Variants in RBFOX1 observed in about 807,000 individuals in gnomAD.
The protein encoded by RBFOX1 is RNA binding protein fox-1 homolog 1.
Under a neutral mutation model 57.7 loss-of-function variants are expected in RBFOX1, and 8 were observed. The ratio of observed to expected loss-of-function variants is 0.14; its 90% CI spans 0.08 to 0.25. The LOEUF (loss-of-function observed/expected upper bound fraction) is 0.25. Among genes scored for constraint, RBFOX1 ranks in the 10% least tolerant of loss-of-function variants. The probability of loss-of-function intolerance (pLI) is 1.00; values close to 1 mark genes in which losing one functional copy is unlikely to be tolerated. For missense variants in RBFOX1, 611 were observed against 548.5 expected, an observed-to-expected ratio of 1.11 and a Z score of -1.14; for synonymous variants, 326 against 222.4, an observed-to-expected ratio of 1.47 and a Z score of -4.15.
chr16:5,544,931 G>C (rs910787292), intron 2 of RBFOX1, among the ~76,000 whole-genome samples: 7 of 137,168 alleles, frequency 5.1e-5, no homozygotes, highest in African/African-American at 8.3e-5. Context: ...TACAGGTATA[G>C]ATGGCCTTAC....
At chr16:7,620,533 G>T (rs770842240) in intron 10 of RBFOX1, among the ~76,000 whole-genome samples, 7 of 152,208 alleles carry the variant, frequency 4.6e-5, no homozygotes, top group African/African-American at 7.2e-5. Flanking sequence ...CTGCCCAAAG[G>T]CTTCCTTGGT....
At chr16:6,830,868 T>C (rs916817126) in intron 3 of RBFOX1, among the ~76,000 whole-genome samples, 1 of 152,170 alleles carries the variant, frequency 6.6e-6, no homozygotes, top group East Asian at 1.9e-4. Context: ...TTCAAGATAG[T>C]AACTCTCCCA....
At chr16:7,105,041 C>A (rs137898882) in intron 4 of RBFOX1, among the ~76,000 whole-genome samples, 1 of 151,764 alleles carries the variant, frequency 6.6e-6, no homozygotes, top group Non-Finnish European at 1.5e-5. Context: ...TTGGCACCTA[C>A]AGATCTCCAC....
chr16:7,055,854 C>T (rs1415297556), intron 4 of RBFOX1, among the ~76,000 whole-genome samples: 1 of 152,104 alleles, frequency 6.6e-6, no homozygotes, highest in Non-Finnish European at 1.5e-5. Flanking sequence ...GTGCTGGTTT[C>T]CTGTCATTAG....
intron 4 of RBFOX1, among the ~76,000 whole-genome samples, chr16:7,409,134 C>T (rs564482563): frequency 3.9e-5 from 6 of 152,264 alleles, no homozygotes; most frequent in African/African-American, 1.4e-4. Context: ...CAGCAGAATC[C>T]GGCCTGTGAT....
At chr16:5,641,616 C>T (rs981902006) in intron 3 of RBFOX1, among the ~76,000 whole-genome samples, 1 of 152,156 alleles carries the variant, frequency 6.6e-6, no homozygotes, top group Non-Finnish European at 1.5e-5. Flanking sequence ...TTTGGGTGTG[C>T]CATGCAGCAG....
At chr16:6,079,093 G>A (rs995621506) in intron 1 of RBFOX1, among the ~76,000 whole-genome samples, 1 of 152,164 alleles carries the variant, frequency 6.6e-6, no homozygotes, top group Admixed American at 6.5e-5. Flanking sequence ...CAGATCACTT[G>A]AGGTCAGGAG....
At chr16:6,291,395 C>T (rs773178291) in intron 1 of RBFOX1, among the ~76,000 whole-genome samples, 2 of 152,066 alleles carry the variant, frequency 1.3e-5, no homozygotes, top group Admixed American at 6.5e-5. Context: ...TGGTGGAGGC[C>T]GCAGGGACGG....
chr16:7,705,023 G>A (rs2081984777), intron 14 of RBFOX1, among the ~76,000 whole-genome samples: 1 of 139,988 alleles, frequency 7.1e-6, no homozygotes, highest in African/African-American at 2.7e-5. Flanking sequence ...CAGCCGAGGT[G>A]ACAGAGCAAG....
At chr16:6,635,775 G>C (rs1212058413) in intron 2 of RBFOX1, among the ~76,000 whole-genome samples, 2 of 152,068 alleles carry the variant, frequency 1.3e-5, no homozygotes, top group African/African-American at 4.8e-5. Context: ...AAACTATTTT[G>C]ATGCACTTGA....
intron 4 of RBFOX1, among the ~76,000 whole-genome samples, chr16:7,238,337 A>G (rs2093880309): frequency 7.5e-6 from 1 of 133,166 alleles, no homozygotes; most frequent in African/African-American, 3.6e-5. Context: ...TAAAAAAAAA[A>G]TAAATAAATA....
chr16:6,982,634 C>A (rs569653513), intron 3 of RBFOX1, among the ~76,000 whole-genome samples: 1 of 152,188 alleles, frequency 6.6e-6, no homozygotes, highest in Non-Finnish European at 1.5e-5. Flanking sequence ...CCCTTTCTTG[C>A]ACATTGTCAC....
chr16:6,098,641 C>G (rs1030158352), intron 1 of RBFOX1, among the ~76,000 whole-genome samples: 1 of 152,232 alleles, frequency 6.6e-6, no homozygotes, highest in South Asian at 2.1e-4. Context: ...TTATCTTTCT[C>G]TGCATGCCTT....
chr16:7,373,124 G>A (rs971336686), intron 4 of RBFOX1, among the ~76,000 whole-genome samples: 1 of 152,026 alleles, frequency 6.6e-6, no homozygotes, highest in East Asian at 1.9e-4. Context: ...TAGTGAGACG[G>A]TGTTTCACCG....
At chr16:6,059,388 C>G (rs1315924918) in intron 1 of RBFOX1, 1 of 152,068 alleles carries the variant, frequency 6.6e-6, no homozygotes, top group Non-Finnish European at 1.5e-5. Flanking sequence ...ATGACCTAAT[C>G]AAAATCTCTT....
intron 5 of RBFOX1, among the ~76,000 whole-genome samples, chr16:7,520,785 A>G (rs569277369): frequency 2.8e-4 from 42 of 152,318 alleles, no homozygotes; most frequent in African/African-American, 1.0e-3. Context: ...GTGACAATTA[A>G]TAGTAGTAAT....
intron 4 of RBFOX1, among the ~76,000 whole-genome samples, chr16:7,151,509 T>C (rs777555102): frequency 1.2e-4 from 18 of 152,164 alleles, no homozygotes; most frequent in Non-Finnish European, 2.5e-4. Context: ...TTCACAGGGC[T>C]ACTTGTAGCC....
intron 1 of RBFOX1, among the ~76,000 whole-genome samples, chr16:5,244,889 T>G (rs1220950283): frequency 6.6e-6 from 1 of 152,220 alleles, no homozygotes; most frequent in Non-Finnish European, 1.5e-5. Flanking sequence ...GAAGCAAGTC[T>G]TACTGTGCTG....
intron 1 of RBFOX1, among the ~76,000 whole-genome samples, chr16:6,253,828 G>A (rs1372634796): frequency 2.0e-5 from 3 of 152,110 alleles, no homozygotes; most frequent in East Asian, 1.9e-4. Flanking sequence ...ATTTGCAGCC[G>A]CCACAGTGCA....
Sources: gnomAD v4.1 joint callset for allele counts (sites outside exome capture counted in the v4.1 genomes callset) on GRCh38, gnomAD v4.1.1 for gene constraint, MANE v1.5 for transcripts, NCBI Gene and HGNC (gene_info 2026-07-23, HGNC 2026-07-21) for gene names.